SLC25A48: variants seen among roughly 807,000 people sequenced by gnomAD.
SLC25A48 encodes solute carrier family 25 member 48.
SLC25A48 carries 29 observed loss-of-function variants against 32.2 expected under a neutral mutation model. That is an observed-to-expected ratio of 0.90 (90% CI 0.67 to 1.23). The LOEUF is 1.23. Ranked by LOEUF, SLC25A48 falls within the 50% of genes most tolerant of loss-of-function variation. The pLI, the probability that SLC25A48 is intolerant of heterozygous loss-of-function variation, is 0.00. For missense variants in SLC25A48, 399 were observed against 422.7 expected (o/e 0.94, Z 0.49); for synonymous variants, 164 against 172.3 (o/e 0.95, Z 0.38).
At chr5:135,869,744 T>C (rs1761490285) in intron 4 of SLC25A48, among the ~76,000 whole-genome samples, 1 of 152,148 alleles carries the variant, frequency 6.6e-6, no homozygotes, top group Admixed American at 6.5e-5. Context: ...GATCTCTCAG[T>C]GGGCTTTCAA....
chr5:135,639,960 C>T (rs1446307218), intron 3 of SLC25A48, among the ~76,000 whole-genome samples: 1 of 152,016 alleles, frequency 6.6e-6, no homozygotes, highest in Admixed American at 6.6e-5. Context: ...AAAATAAAAA[C>T]CATAAGGCAA....
chr5:135,646,659 T>TTA (rs34299516), intron 3 of SLC25A48, among the ~76,000 whole-genome samples: 2,740 of 125,352 alleles, frequency 0.022, 159 homozygotes, highest in Non-Finnish European at 0.028. Flanking sequence ...TAATTTCCCA[T>TTA]TATATATATA....
intron 4 of SLC25A48, among the ~76,000 whole-genome samples, chr5:135,813,842 C>T (rs899414548): frequency 4.6e-5 from 7 of 152,122 alleles, no homozygotes; most frequent in Admixed American, 1.3e-4. Flanking sequence ...TGAGTGCAGG[C>T]GCTCAGGAAC....
At chr5:135,619,127 C>A (rs1588256) in intron 1 of SLC25A48, among the ~76,000 whole-genome samples, 19,577 of 151,946 alleles carry the variant, frequency 0.13, 1,683 homozygotes, top group African/African-American at 0.25. Context: ...GACACCAAAA[C>A]TATGAATATT....
At chr5:135,850,324 C>A in intron 2 of SLC25A48, 101 bp from the exon 3 acceptor site, 1 of 1,178,802 alleles carries the variant, frequency 8.5e-7, no homozygotes, top group Non-Finnish European at 1.3e-6. Flanking sequence ...CCTTTGCTGG[C>A]GGGGGTCACT....
At chr5:135,782,417 C>A (rs1430870964) in intron 3 of SLC25A48, among the ~76,000 whole-genome samples, 3 of 116,948 alleles carry the variant, frequency 2.6e-5, no homozygotes, top group African/African-American at 7.8e-5. Flanking sequence ...GCAGCAGGTG[C>A]ACATCGCTTC....
intron 3 of SLC25A48, among the ~76,000 whole-genome samples, chr5:135,792,945 A>G (rs1287103940): frequency 2.0e-5 from 3 of 151,414 alleles, no homozygotes; most frequent in Non-Finnish European, 4.4e-5. Flanking sequence ...ATTATTCATT[A>G]TGTCACAGTG....
At chr5:135,838,700 C>T (rs987463106) in intron 1 of SLC25A48, among the ~76,000 whole-genome samples, 22 of 152,366 alleles carry the variant, frequency 1.4e-4, no homozygotes, top group African/African-American at 5.0e-4. Flanking sequence ...TCAGAGGGTG[C>T]AAGCCCCAAG....
At chr5:135,838,695 G>A (rs1758740721) in intron 1 of SLC25A48, among the ~76,000 whole-genome samples, 1 of 152,264 alleles carries the variant, frequency 6.6e-6, no homozygotes, top group Non-Finnish European at 1.5e-5. Flanking sequence ...TGGCTTCAGA[G>A]GGTGCAAGCC....
chr5:135,593,644 C>T (rs934568125), intron 1 of SLC25A48, among the ~76,000 whole-genome samples: 3 of 152,186 alleles, frequency 2.0e-5, no homozygotes, highest in African/African-American at 7.2e-5. Flanking sequence ...AAAACTATTG[C>T]AGTGGTCCAT....
At chr5:135,795,781 T>G (rs902145986) in intron 3 of SLC25A48, among the ~76,000 whole-genome samples, 1 of 148,368 alleles carries the variant, frequency 6.7e-6, no homozygotes, top group Non-Finnish European at 1.5e-5. Context: ...ATATCACTGG[T>G]GGTGTAGACT....
intron 4 of SLC25A48, among the ~76,000 whole-genome samples, chr5:135,829,264 C>T (rs1758143787): frequency 6.6e-6 from 1 of 152,182 alleles, no homozygotes; most frequent in Non-Finnish European, 1.5e-5. Context: ...TTGACAGCAG[C>T]ACGCAGCAGG....
intron 3 of SLC25A48, among the ~76,000 whole-genome samples, chr5:135,639,165 C>A (rs1267936926): frequency 6.6e-6 from 1 of 152,138 alleles, no homozygotes; most frequent in Non-Finnish European, 1.5e-5. Context: ...TTCTTTTGGG[C>A]AACAGTTACT....
intron 3 of SLC25A48, among the ~76,000 whole-genome samples, chr5:135,745,521 C>A (rs1311884431): frequency 6.6e-6 from 1 of 152,042 alleles, no homozygotes; most frequent in South Asian, 2.1e-4. Context: ...CCCAGCAACA[C>A]AGCAAGATTC....
At chr5:135,769,018 G>A (rs1190821990) in intron 3 of SLC25A48, among the ~76,000 whole-genome samples, 5 of 151,598 alleles carry the variant, frequency 3.3e-5, no homozygotes, top group East Asian at 2.0e-4. Context: ...ACACCTCTGC[G>A]ATCTTGTTTG....
At chr5:135,758,018 T>C (rs1032296813) in intron 3 of SLC25A48, among the ~76,000 whole-genome samples, 3 of 149,380 alleles carry the variant, frequency 2.0e-5, no homozygotes, top group Non-Finnish European at 3.0e-5. Flanking sequence ...TACTGTCTAG[T>C]GTAACACAAT....
At chr5:135,702,737 G>A (rs1415539834) in intron 3 of SLC25A48, among the ~76,000 whole-genome samples, 1 of 152,234 alleles carries the variant, frequency 6.6e-6, no homozygotes, top group African/African-American at 2.4e-5. Flanking sequence ...ACCAAAGCCA[G>A]GAAGCCTGTA....
chr5:135,776,096 G>T (rs1183664420), intron 3 of SLC25A48, among the ~76,000 whole-genome samples: 1 of 151,878 alleles, frequency 6.6e-6, no homozygotes, highest in Non-Finnish European at 1.5e-5. Flanking sequence ...CACGTCCCCT[G>T]TGATATTGTT....
intron 1 of SLC25A48, among the ~76,000 whole-genome samples, chr5:135,602,771 A>C (rs1382892804): frequency 6.7e-6 from 1 of 150,126 alleles, no homozygotes; most frequent in African/African-American, 2.5e-5. Flanking sequence ...CTCTCCCCCC[A>C]CCCCACGACA....
Sources: gnomAD v4.1 joint callset for allele counts (sites outside exome capture counted in the v4.1 genomes callset) on GRCh38, gnomAD v4.1.1 for gene constraint, MANE v1.5 for transcripts, NCBI Gene and HGNC (gene_info 2026-07-23, HGNC 2026-07-21) for gene names.